Variants in SDK1 observed in about 807,000 individuals in gnomAD.
The protein encoded by SDK1 is sidekick cell adhesion molecule 1.
A neutral mutation model predicts 245.5 loss-of-function variants in SDK1; 157 were observed. The observed-to-expected ratio is 0.64, with a 90% CI of 0.56 to 0.73. The LOEUF (loss-of-function observed/expected upper bound fraction) is 0.73, where lower values mean the gene tolerates loss of function less well. Ranked by LOEUF, SDK1 falls within the 30% of genes least tolerant of loss-of-function variation. The pLI is 0.00. For missense variants in SDK1, 3,583 were observed against 3,002.3 expected (o/e 1.19, Z -4.52); for synonymous variants, 1,647 against 1,278.5 (o/e 1.29, Z -6.15).
At chr7:4,064,892 G>C (rs79024616) in intron 19 of SDK1, among the ~76,000 whole-genome samples, 5,539 of 152,154 alleles carry the variant, frequency 0.036, 164 homozygotes, top group African/African-American at 0.076. Context: ...GATACTAGAG[G>C]CTGGGAGGGG....
chr7:4,264,740 T>C (rs1788343517), intron 44 of SDK1, among the ~76,000 whole-genome samples: 1 of 144,716 alleles, frequency 6.9e-6, no homozygotes, highest in Non-Finnish European at 1.6e-5. Context: ...GAAGGCCGTG[T>C]AGACCTCTCC....
chr7:4,124,277 C>T (rs1287076227), intron 25 of SDK1, among the ~76,000 whole-genome samples: 1 of 152,304 alleles, frequency 6.6e-6, no homozygotes, highest in East Asian at 1.9e-4. Context: ...TTTCTGTTAC[C>T]ATTCTGGAAG....
intron 7 of SDK1, chr7:3,958,304 A>T (rs911781456): frequency 3.6e-6 from 1 of 280,704 alleles, no homozygotes; most frequent in Non-Finnish European, 6.9e-6. Flanking sequence ...CTCCAAGGAA[A>T]TTCATTGTTT....
At chr7:3,466,864 TACTG>T (rs1359943317) in intron 1 of SDK1, among the ~76,000 whole-genome samples, 2 of 151,968 alleles carry the variant, frequency 1.3e-5, no homozygotes, top group East Asian at 1.9e-4. Flanking sequence ...TTTAAATTGA[TACTG>T]AATGACTGGA....
chr7:4,216,901 C>G (rs554450598), intron 38 of SDK1, among the ~76,000 whole-genome samples: 1 of 152,314 alleles, frequency 6.6e-6, no homozygotes, highest in East Asian at 1.9e-4. Context: ...AGGGCCATCC[C>G]CAGCCATCCC....
At chr7:3,312,281 T>C (rs889879196) in intron 1 of SDK1, among the ~76,000 whole-genome samples, 1 of 152,016 alleles carries the variant, frequency 6.6e-6, no homozygotes, top group Non-Finnish European at 1.5e-5. Context: ...GCAGAGCAAA[T>C]TAAAAATCTA....
At chr7:3,861,204 A>G (rs1780683783) in intron 5 of SDK1, among the ~76,000 whole-genome samples, 1 of 152,222 alleles carries the variant, frequency 6.6e-6, no homozygotes. Flanking sequence ...AGGATGATTA[A>G]AGAGCCTATT....
At chr7:3,449,502 A>G (rs1780447764) in intron 1 of SDK1, among the ~76,000 whole-genome samples, 1 of 152,200 alleles carries the variant, frequency 6.6e-6, no homozygotes, top group Non-Finnish European at 1.5e-5. Context: ...AGATTTGAGA[A>G]GATTTGACTA....
rs1486121475 is a variant in SDK1 at position 3,641,968 on chromosome 7, T to C, written c.576T>C (p.Ser192=). ...TCTTTTTCTCTGCAGATATGGGAAGTTTCATGGATACGGACCAGAGGAAAA... is the reference window on the plus strand; with the variant it reads ...TCTTTTTCTCTGCAGATATGGGAAGCTTCATGGATACGGACCAGAGGAAAA... ...KSEVQVAYMG[S]FMDTDQRKTV... The change falls in exon 4 of 45, where the codon AGT becomes AGC. Residue 192 remains serine (S), a synonymous_variant. Transcript: ENST00000404826. The C allele has an allele frequency of 6.2e-7, 1 of 1,612,512 alleles. No individual in the cohort carries two copies.
At chr7:4,140,272 G>A (rs1779490036) in intron 28 of SDK1, among the ~76,000 whole-genome samples, 1 of 152,118 alleles carries the variant, frequency 6.6e-6, no homozygotes, top group Non-Finnish European at 1.5e-5. Context: ...GCCCACCTCA[G>A]CTGACCTCTT....
At chr7:3,773,440 T>C (rs553594189) in intron 4 of SDK1, among the ~76,000 whole-genome samples, 1 of 152,284 alleles carries the variant, frequency 6.6e-6, no homozygotes, top group South Asian at 2.1e-4. Flanking sequence ...AAACGTTGTT[T>C]TCTTGGCTTT....
chr7:4,108,541 T>C (rs2128189871), intron 22 of SDK1, among the ~76,000 whole-genome samples: 1 of 152,280 alleles, frequency 6.6e-6, no homozygotes, highest in South Asian at 2.1e-4. Context: ...CACAGTCTTT[T>C]CCTAATTACA....
At chr7:3,461,561 A>G (rs1281420490) in intron 1 of SDK1, among the ~76,000 whole-genome samples, 1 of 152,176 alleles carries the variant, frequency 6.6e-6, no homozygotes, top group Non-Finnish European at 1.5e-5. Context: ...TTCAAGTATA[A>G]AAATCTGGAT....
intron 20 of SDK1, among the ~76,000 whole-genome samples, chr7:4,075,765 G>A (rs773440877): frequency 3.3e-5 from 5 of 151,178 alleles, no homozygotes; most frequent in African/African-American, 9.7e-5. Flanking sequence ...AGTGATTCTC[G>A]TGCCTCAGCC....
intron 40 of SDK1, among the ~76,000 whole-genome samples, chr7:4,226,936 ATT>A (rs112497435): frequency 7.7e-4 from 113 of 147,684 alleles, no homozygotes; most frequent in African/African-American, 1.3e-3. Flanking sequence ...ATTGTATTGC[ATT>A]TTTTTTTTTT....
rs1378243593 is a variant in SDK1, at chr7:3,397,903, C to G, written c.298+96019C>G. Among the ~76,000 whole-genome samples, 5 of 151,932 alleles carry G rather than the reference C, an allele frequency of 3.3e-5. No homozygotes were observed. The South Asian group carries it at 6.2e-4, about 19-fold the overall frequency. ...GGTTTGATAATTACATAATCTCTGCCATATATGAGTCTGATTCTGATGCTT... is the reference window on the plus strand; with the variant it reads ...GGTTTGATAATTACATAATCTCTGCGATATATGAGTCTGATTCTGATGCTT... On this transcript the variant is annotated intron_variant, in intron 1 of 44. Transcript: ENST00000404826.
intron 1 of SDK1, among the ~76,000 whole-genome samples, chr7:3,363,779 C>G (rs573901839): frequency 6.6e-6 from 1 of 152,230 alleles, no homozygotes; most frequent in African/African-American, 2.4e-5. Flanking sequence ...GGGAATGCTC[C>G]TTCGTCCACT....
intron 5 of SDK1, among the ~76,000 whole-genome samples, chr7:3,879,622 G>T (rs1419618501): frequency 6.6e-6 from 1 of 152,222 alleles, no homozygotes; most frequent in Non-Finnish European, 1.5e-5. Flanking sequence ...TTCGCTGCGT[G>T]TCCAGGATGG....
chr7:3,344,107 C>T (rs1459652893), intron 1 of SDK1, among the ~76,000 whole-genome samples: 1 of 151,286 alleles, frequency 6.6e-6, no homozygotes, highest in Non-Finnish European at 1.5e-5. Context: ...TATTTTGTAC[C>T]AAAGCCTATG....
Sources: gnomAD v4.1 joint callset for allele counts (sites outside exome capture counted in the v4.1 genomes callset) on GRCh38, gnomAD v4.1.1 for gene constraint, MANE v1.5 for transcripts, NCBI Gene and HGNC (gene_info 2026-07-23, HGNC 2026-07-21) for gene names.